PHIP: variants seen among roughly 807,000 people sequenced by gnomAD.
PHIP encodes PHIP subunit of CUL4-Ring ligase complex, also known as PH-interacting protein.
PHIP carries 54 observed loss-of-function variants against 236.8 expected under a neutral mutation model. The observed-to-expected ratio is 0.23, with a 90% CI of 0.18 to 0.29. The LOEUF is 0.29. Ranked by LOEUF, PHIP falls within the 10% of genes least tolerant of loss-of-function variation. The pLI is 1.00. For synonymous variants in PHIP, 756 were observed against 718.9 expected, an observed-to-expected ratio of 1.05 and a Z score of -0.83; for missense variants, 1,370 against 2,190.8, an observed-to-expected ratio of 0.63 and a Z score of 7.48.
intron 6 of PHIP, among the ~76,000 whole-genome samples, chr6:79,047,554 C>T (rs1286678462): frequency 6.6e-6 from 1 of 152,140 alleles, no homozygotes; most frequent in African/African-American, 2.4e-5. Flanking sequence ...TTAAGTCTGA[C>T]AGACCTGTGT....
At chr6:79,024,678 G>A (rs530819150) in intron 9 of PHIP, among the ~76,000 whole-genome samples, 99 of 152,198 alleles carry the variant, frequency 6.5e-4, no homozygotes, top group Middle Eastern at 3.4e-3. Flanking sequence ...GGTGGCGGGC[G>A]CCTGTAGTCC....
intron 39 of PHIP, 150 bp from the exon 40 acceptor site, chr6:78,941,480 C>A: frequency 1.8e-6 from 1 of 547,282 alleles, no homozygotes; most frequent in Non-Finnish European, 3.2e-6. Flanking sequence ...CTAGAAAACA[C>A]TAATAGTTCA....
chr6:78,978,521 AT>A, intron 24 of PHIP, 70 bp downstream of exon 24: 1 of 1,267,076 alleles, frequency 7.9e-7, no homozygotes, highest in Non-Finnish European at 1.1e-6. Flanking sequence ...CCAGAAGTCT[AT>A]TTCAAGAGCT....
Position 78,963,242 on chromosome 6 carries a change from A to C in PHIP, c.3390T>G (p.Pro1130=). 1 of 1,600,976 alleles carries C rather than the reference A, an allele frequency of 6.2e-7. No homozygotes were observed. ...AAGGAACACTGGTACCTAGTTCTTC[A>C]GGAAATACAGCTGAAATAGAAAAGC... ...MELIPNNAVF[P]EELGTSVPLT... The change falls in exon 30 of 40, where the codon CCT becomes CCG. Residue 1130 remains proline (P), a synonymous_variant. Transcript: ENST00000275034.
intron 15 of PHIP, among the ~76,000 whole-genome samples, chr6:79,007,176 C>G (rs577893452): frequency 6.6e-6 from 1 of 152,080 alleles, no homozygotes; most frequent in South Asian, 2.1e-4. Context: ...GCTAAGAGCT[C>G]TGATGAGGAC....
chr6:79,040,866 T>C (rs1398580171), intron 7 of PHIP, among the ~76,000 whole-genome samples: 4 of 144,772 alleles, frequency 2.8e-5, no homozygotes, highest in Non-Finnish European at 6.0e-5. Context: ...ACAAATTCTA[T>C]CACATTCTTA....
At chr6:79,076,902 G>A (rs952118010) in intron 4 of PHIP, among the ~76,000 whole-genome samples, 4 of 150,940 alleles carry the variant, frequency 2.7e-5, no homozygotes, top group African/African-American at 7.3e-5. Context: ...TGAATTTAAG[G>A]AAAACAAAAT....
At chr6:78,995,660 A>G (rs1336989898) in intron 19 of PHIP, among the ~76,000 whole-genome samples, 1 of 152,160 alleles carries the variant, frequency 6.6e-6, no homozygotes, top group Non-Finnish European at 1.5e-5. Context: ...TTTGTCATCT[A>G]TAGATCCTCT....
At chr6:78,958,785 A>T (rs1020538419) in intron 31 of PHIP, among the ~76,000 whole-genome samples, 185 bp from the exon 32 acceptor site, 2 of 152,112 alleles carry the variant, frequency 1.3e-5, no homozygotes, top group African/African-American at 4.8e-5. Context: ...AAGAGGGGCA[A>T]CCATAACTAC....
chr6:78,976,605 A>G (rs1054842858), intron 24 of PHIP, among the ~76,000 whole-genome samples: 2 of 143,320 alleles, frequency 1.4e-5, no homozygotes, highest in Non-Finnish European at 3.1e-5. Context: ...AAAATGGGAG[A>G]AAATTTTCGC....
At chr6:79,068,223 G>C (rs1032333489) in intron 4 of PHIP, 4 of 152,246 alleles carry the variant, frequency 2.6e-5, no homozygotes, top group Non-Finnish European at 5.9e-5. Context: ...AGCACTTTGG[G>C]AGGCTGAGGC....
chr6:79,026,722 G>GT (rs146322060), intron 7 of PHIP, among the ~76,000 whole-genome samples: 1,817 of 152,068 alleles, frequency 0.012, 40 homozygotes, highest in African/African-American at 0.042. Context: ...CCATAGTAGT[G>GT]TAAGTCCAGA....
At chr6:79,018,687 G>A (rs1226614859) in intron 10 of PHIP, among the ~76,000 whole-genome samples, 1 of 151,854 alleles carries the variant, frequency 6.6e-6, no homozygotes, top group African/African-American at 2.4e-5. Context: ...AACTGATAAA[G>A]ATGTACAAAT....
At chr6:79,011,695 C>CA (rs1664036747) in intron 15 of PHIP, among the ~76,000 whole-genome samples, 1 of 151,746 alleles carries the variant, frequency 6.6e-6, no homozygotes, top group South Asian at 2.1e-4. Flanking sequence ...ATAAACCCCT[C>CA]AGTTTCTCTG....
intron 4 of PHIP, among the ~76,000 whole-genome samples, chr6:79,071,135 C>A (rs1773865377): frequency 6.6e-6 from 1 of 152,184 alleles, no homozygotes; most frequent in Non-Finnish European, 1.5e-5. Context: ...CCTTTTCTTA[C>A]CTGTGATGCC....
chr6:79,071,213 A>G (rs1451629352), intron 4 of PHIP, among the ~76,000 whole-genome samples: 1 of 152,210 alleles, frequency 6.6e-6, no homozygotes, highest in Non-Finnish European at 1.5e-5. Flanking sequence ...ACAACTGATG[A>G]TTGCCTTCTC....
intron 24 of PHIP, among the ~76,000 whole-genome samples, chr6:78,974,834 ATC>A: frequency 6.6e-6 from 1 of 151,142 alleles, no homozygotes; most frequent in East Asian, 1.9e-4. Flanking sequence ...AAGAAGTTGA[ATC>A]TCTGAATAGA....
intron 24 of PHIP, among the ~76,000 whole-genome samples, chr6:78,975,778 C>A (rs1382184963): frequency 1.3e-5 from 2 of 151,592 alleles, no homozygotes; most frequent in African/African-American, 4.9e-5. Context: ...TTCACAATTG[C>A]TTCAAAGAGA....
Position 78,940,795 on chromosome 6 carries a change from C to A in PHIP, c.5364G>T (p.Arg1788Ser). 1 of 1,613,870 alleles carries A rather than the reference C, an allele frequency of 6.2e-7. No individual in the cohort carries two copies. Among genetic ancestry groups the A allele is most frequent in the Non-Finnish European group, 8.5e-7 (1 of 1,179,852 alleles). Residue 1788 changes from arginine (R) to serine (S), a missense_variant, in exon 40 of 40, where the codon AGG becomes AGT. Transcript: ENST00000275034. ...AAGAGGTGTCTTCGAACAACAGCTG[C>A]CTTTGCTCCTCTTCAGAGTCATCCT... Reference protein sequence around the residue: ...YNEDDSEEEQRQLLFEDTSLT... With the variant: ...YNEDDSEEEQSQLLFEDTSLT...
Sources: allele counts gnomAD v4.1 joint callset (sites outside exome capture counted in the v4.1 genomes callset), GRCh38; gene constraint gnomAD v4.1.1; transcripts MANE v1.5; gene names NCBI Gene and HGNC (gene_info 2026-07-23, HGNC 2026-07-21).